The following LNPEP variants were observed in gnomAD, a reference collection of about 807,000 sequenced individuals.
LNPEP encodes the protein leucyl-cystinyl aminopeptidase.
A neutral mutation model predicts 120.6 loss-of-function variants in LNPEP; 64 were observed. The ratio of observed to expected loss-of-function variants is 0.53; its 90% CI spans 0.43 to 0.65. The LOEUF (loss-of-function observed/expected upper bound fraction) is 0.65, where lower values mean the gene tolerates loss of function less well. Ranked by LOEUF, LNPEP falls within the 30% of genes least tolerant of loss-of-function variation. LNPEP has a pLI of 0.00. For missense variants in LNPEP, 1,057 were observed against 1,200.0 expected (o/e 0.88, Z 1.76); for synonymous variants, 435 against 425.4 (o/e 1.02, Z -0.28).
chr5:96,969,278 A>T (rs1272820205), intron 1 of LNPEP, among the ~76,000 whole-genome samples: 1 of 150,870 alleles, frequency 6.6e-6, no homozygotes, highest in Admixed American at 6.6e-5. Context: ...ACTTTTGATG[A>T]GCTCATAAGA....
rs1277851001 is a variant in LNPEP, at chr5:97,034,529, T to C, written c.*5996T>C. On this transcript the variant is annotated 3_prime_UTR_variant, in exon 18 of 18. Transcript: ENST00000231368. ...TTTCACTCTCAACACAGTTTTTTGT[T>C]TGGAGTTGTAGGAATCAAATGTAAT... The C allele has an allele frequency of 6.6e-6, 1 of 151,978 alleles. No homozygotes were observed. Among genetic ancestry groups the C allele is most frequent in the Admixed American group, 6.6e-5 (1 of 15,228 alleles). 9.4% of individuals were successfully genotyped at this position (151,978 alleles called of 1,614,324 possible).
chr5:96,985,325 T>C (rs1790215849), intron 3 of LNPEP, 107 bp downstream of exon 3: 1 of 860,894 alleles, frequency 1.2e-6, no homozygotes, highest in Admixed American at 2.9e-5. Flanking sequence ...TAAAATCATA[T>C]ACATTAATAT....
At chr5:96,991,475 T>C (rs1324174151) in intron 4 of LNPEP, among the ~76,000 whole-genome samples, 1 of 152,206 alleles carries the variant, frequency 6.6e-6, no homozygotes, top group Non-Finnish European at 1.5e-5. Context: ...TCTATTATTT[T>C]CTGATTTTTT....
rs769416078 is a variant in LNPEP at position 96,997,994 on chromosome 5, A to T, written c.1522-20A>T. 22 of 1,509,168 alleles carry T rather than the reference A, an allele frequency of 1.5e-5. No individual in the cohort carries two copies. The highest frequency in any genetic ancestry group is 2.0e-5 in the Non-Finnish European group (22 of 1,105,992). The allele number at this position is 1,509,168 out of a possible 1,614,324, so 93.5% of individuals were successfully genotyped here. ...ATTTGATACTACTTGTGATATTCTA[A>T]TCTTTTCATTTTTTGACAGTATGAA... On this transcript the variant is annotated intron_variant, in intron 7 of 17. Coordinates refer to ENST00000231368, the MANE Select transcript of LNPEP (RefSeq NM_005575.3).
intron 1 of LNPEP, among the ~76,000 whole-genome samples, chr5:96,958,167 A>C (rs529445084): frequency 6.6e-6 from 1 of 152,344 alleles, no homozygotes; most frequent in African/African-American, 2.4e-5. Flanking sequence ...TGCTTCAGCA[A>C]GTTTTTGACC....
At chr5:96,978,813 A>G (rs1165937267) in intron 1 of LNPEP, among the ~76,000 whole-genome samples, 1 of 152,212 alleles carries the variant, frequency 6.6e-6, no homozygotes, top group Non-Finnish European at 1.5e-5. Context: ...TCTCAAGCCC[A>G]GGGCAGGGTC....
intron 13 of LNPEP, among the ~76,000 whole-genome samples, chr5:97,018,582 A>G (rs556634191): frequency 1.3e-5 from 2 of 152,252 alleles, no homozygotes; most frequent in African/African-American, 4.8e-5. Context: ...AAGAGGGAGA[A>G]TGTGTCACTT....
At chr5:96,982,149 T>C (rs1180335802) in intron 2 of LNPEP, among the ~76,000 whole-genome samples, 1 of 152,132 alleles carries the variant, frequency 6.6e-6, no homozygotes, top group African/African-American at 2.4e-5. Flanking sequence ...CAGCATCTCA[T>C]GGCAAGCAGA....
rs150509283 is a variant in LNPEP at position 96,975,338 on chromosome 5, A to G, written c.20-3800A>G. ...ACTATATTCTCAATCTCAGTGAATG[A>G]CATTCCTTCTTTTCAGTTATACAAG... is the stretch of plus-strand genomic sequence containing the variant. On this transcript the variant is annotated intron_variant, in intron 1 of 17. Coordinates refer to ENST00000231368, the MANE Select transcript of LNPEP (RefSeq NM_005575.3). Among the ~76,000 whole-genome samples, 620 of 152,288 alleles carry G rather than the reference A, an allele frequency of 4.1e-3. 6 individuals carry two copies. The highest frequency in any genetic ancestry group is 0.014 in the African/African-American group (581 of 41,572).
chr5:96,991,420 C>T (rs1436463655), intron 4 of LNPEP, among the ~76,000 whole-genome samples: 1 of 152,186 alleles, frequency 6.6e-6, no homozygotes, highest in African/African-American at 2.4e-5. Context: ...TACATTCCCA[C>T]CAGCAGTGTA....
rs559598633 is a variant in LNPEP, at chr5:96,989,373, T to TA, written c.1131+2704dup. Among the ~76,000 whole-genome samples, 21 of 23,750 alleles carry TA rather than the reference T, an allele frequency of 8.8e-4. No homozygotes were observed. In the East Asian group the frequency reaches 0.02, roughly 23 times the overall value. 15.6% of individuals were successfully genotyped at this position (23,750 alleles called of 152,430 possible). A position where few individuals can be genotyped will look rare whatever the true frequency, so the allele number is the denominator to read the frequency against. On this transcript the variant is annotated intron_variant, in intron 4 of 17. Coordinates refer to ENST00000231368, the MANE Select transcript of LNPEP (RefSeq NM_005575.3). ...ATATTATATATTATATATAATTATA[T>TA]ATTATATATTATATACAATATATTA...
intron 1 of LNPEP, among the ~76,000 whole-genome samples, chr5:96,946,809 GTAATTT>G (rs1362194385): frequency 6.6e-6 from 1 of 152,126 alleles, no homozygotes; most frequent in Non-Finnish European, 1.5e-5. Flanking sequence ...TATCTGCAAG[GTAATTT>G]TTTGTTCAGA....
At chr5:96,981,744 A>G (rs1019503533) in intron 2 of LNPEP, among the ~76,000 whole-genome samples, 2 of 152,190 alleles carry the variant, frequency 1.3e-5, no homozygotes, top group African/African-American at 2.4e-5. Context: ...ACCTTTACCC[A>G]TGTGATCTAA....
Position 97,031,073 on chromosome 5 carries a change from G to T in LNPEP, c.*2540G>T, listed in dbSNP as rs1189081927. The T allele has an allele frequency of 6.6e-6, 1 of 151,758 alleles. No individual in the cohort carries two copies. Among genetic ancestry groups the T allele is most frequent in the Non-Finnish European group, 1.5e-5 (1 of 67,964 alleles). The allele number at this position is 151,758 out of a possible 1,614,324, so 9.4% of individuals were successfully genotyped here. On this transcript the variant is annotated 3_prime_UTR_variant, in exon 18 of 18. Transcript: ENST00000231368. The stretch of plus-strand genomic sequence containing the variant: ...GACTGAAGCACAGAAGTCACAGTAT[G>T]CTTCTTTTATTTAAGCACACAGATT...
intron 8 of LNPEP, among the ~76,000 whole-genome samples, chr5:97,000,250 G>A (rs1193244315): frequency 6.6e-6 from 1 of 152,188 alleles, no homozygotes; most frequent in Non-Finnish European, 1.5e-5. Flanking sequence ...GGTGACATTT[G>A]AACACCATCT....
chr5:97,007,348 T>C (rs1790810524), intron 11 of LNPEP, among the ~76,000 whole-genome samples: 1 of 152,150 alleles, frequency 6.6e-6, no homozygotes, highest in South Asian at 2.1e-4. Context: ...ATTGATCACT[T>C]ATATGATTTT....
At position 97,015,022 on chromosome 5, in the gene LNPEP, C is replaced by T; in HGVS notation, c.2303C>T (p.Ala768Val). The change falls in exon 13 of 18, where the codon GCC becomes GTC. Residue 768 changes from alanine to valine, a missense_variant. Transcript: ENST00000231368. ...AACCATACTGCACCCATCACCGAAG[C>T]CCTGTTTCAGACAGACCTCATCTAT... ...NENHTAPITEALFQTDLIYNL... is the reference protein window; with the variant it reads ...NENHTAPITEVLFQTDLIYNL... 1 of 1,604,044 alleles carries T rather than the reference C, an allele frequency of 6.2e-7. No homozygotes were observed.
chr5:97,007,030 G>A (rs1790804951), intron 11 of LNPEP, among the ~76,000 whole-genome samples: 1 of 152,156 alleles, frequency 6.6e-6, no homozygotes, highest in Non-Finnish European at 1.5e-5. Flanking sequence ...GAGGGGAATA[G>A]TAAAATATAA....
intron 1 of LNPEP, among the ~76,000 whole-genome samples, chr5:96,960,763 A>C (rs139786660): frequency 1.6e-4 from 24 of 152,334 alleles, no homozygotes; most frequent in African/African-American, 5.3e-4. Flanking sequence ...CTCTCATCTC[A>C]AATACCATGT....
Sources: gnomAD v4.1 joint callset for allele counts (sites outside exome capture counted in the v4.1 genomes callset) on GRCh38, gnomAD v4.1.1 for gene constraint, MANE v1.5 for transcripts, NCBI Gene and HGNC (gene_info 2026-07-23, HGNC 2026-07-21) for gene names.